The following LPP variants were observed in gnomAD, a reference collection of about 807,000 sequenced individuals.
The protein encoded by LPP is lipoma-preferred partner.
In LPP, 38 loss-of-function variants were observed where a neutral mutation model predicts 60.4. The observed-to-expected ratio is 0.63, with a 90% CI of 0.49 to 0.83. The LOEUF (loss-of-function observed/expected upper bound fraction) is 0.83. Among genes scored for constraint, LPP ranks in the 40% least tolerant of loss-of-function variants. LPP has a pLI of 0.00. For synonymous variants in LPP, 328 were observed against 290.8 expected, an observed-to-expected ratio of 1.13 and a Z score of -1.30; for missense variants, 902 against 783.6, an observed-to-expected ratio of 1.15 and a Z score of -1.80.
intron 7 of LPP, among the ~76,000 whole-genome samples, chr3:188,670,471 A>G (rs983272659): frequency 6.9e-6 from 1 of 145,358 alleles, no homozygotes; most frequent in Non-Finnish European, 1.5e-5. Context: ...TTGTTTTTTT[A>G]TCACTCAAGC....
chr3:188,740,403 C>A (rs978822330), intron 8 of LPP, among the ~76,000 whole-genome samples: 1 of 151,988 alleles, frequency 6.6e-6, no homozygotes, highest in African/African-American at 2.4e-5. Flanking sequence ...TATCCAAGCC[C>A]AATATCCTAC....
intron 5 of LPP, among the ~76,000 whole-genome samples, chr3:188,513,378 G>T (rs1271512233): frequency 6.6e-6 from 1 of 152,062 alleles, no homozygotes; most frequent in Non-Finnish European, 1.5e-5. Context: ...AGGAGATGGG[G>T]GATAAAGCAG....
At chr3:188,616,387 G>C (rs557863466) in intron 7 of LPP, among the ~76,000 whole-genome samples, 14 of 152,178 alleles carry the variant, frequency 9.2e-5, no homozygotes, top group Non-Finnish European at 1.8e-4. Flanking sequence ...TCGAAGATCA[G>C]ATGGTTGTAG....
intron 6 of LPP, among the ~76,000 whole-genome samples, chr3:188,531,957 G>A (rs1822292193): frequency 6.6e-6 from 1 of 152,082 alleles, no homozygotes; most frequent in Admixed American, 6.5e-5. Context: ...CATATGAAGT[G>A]GAAACAGTCT....
intron 2 of LPP, among the ~76,000 whole-genome samples, chr3:188,245,271 CCTGA>C (rs1000735950): frequency 5.3e-5 from 8 of 152,158 alleles, no homozygotes; most frequent in African/African-American, 1.9e-4. Context: ...CGCCACTACG[CCTGA>C]CTAATTTTTG....
At chr3:188,185,570 C>T (rs1406129342) in intron 1 of LPP, among the ~76,000 whole-genome samples, 2 of 151,762 alleles carry the variant, frequency 1.3e-5, no homozygotes, top group Non-Finnish European at 1.5e-5. Flanking sequence ...CAGTTTATTG[C>T]GTGGATAACT....
rs1577998577 is a variant in LPP at position 188,307,859 on chromosome 3, T to TC, written c.-66-33804_-66-33803insC. 3.9e-5 allele frequency among the ~76,000 whole-genome samples: 6 copies of TC among 152,364 alleles called. No homozygotes were observed. The East Asian group carries it at 1.2e-3, about 29-fold the overall frequency. On this transcript the variant is annotated intron_variant, in intron 2 of 11. Transcript: ENST00000617246. The stretch of plus-strand genomic sequence containing the variant: ...AGACATTGTTAGGATAAATTGTTTC[T>TC]ATACGTATTGAATGGACTGTGGGGC...
intron 7 of LPP, among the ~76,000 whole-genome samples, chr3:188,654,532 TTGTGTG>T (rs147173152): frequency 6.6e-6 from 1 of 150,508 alleles, no homozygotes; most frequent in Admixed American, 6.6e-5. Flanking sequence ...TTTCTCTGTG[TTGTGTG>T]TGTGTGTGTG....
intron 5 of LPP, among the ~76,000 whole-genome samples, chr3:188,495,064 T>TATATATATATATATATA (rs1809541137): frequency 3.7e-5 from 2 of 53,878 alleles, no homozygotes; most frequent in Non-Finnish European, 6.5e-5. Context: ...GTTCAGGATT[T>TATATATATATATATATA]TATATATATA....
At chr3:188,265,802 CT>C (rs930548237) in intron 2 of LPP, among the ~76,000 whole-genome samples, 52 of 140,936 alleles carry the variant, frequency 3.7e-4, no homozygotes, top group African/African-American at 3.7e-4. Context: ...TTGGAGGCTT[CT>C]TTTTTTTTTG....
At chr3:188,251,602 C>G (rs1378185807) in intron 2 of LPP, among the ~76,000 whole-genome samples, 1 of 152,038 alleles carries the variant, frequency 6.6e-6, no homozygotes, top group Non-Finnish European at 1.5e-5. Flanking sequence ...AATACTACTA[C>G]TATTAATTTG....
At chr3:188,239,161 G>A (rs1577465767) in intron 2 of LPP, among the ~76,000 whole-genome samples, 1 of 152,310 alleles carries the variant, frequency 6.6e-6, no homozygotes, top group Non-Finnish European at 1.5e-5. Context: ...CATGGCAGAG[G>A]GCTCTCCACT....
At chr3:188,225,187 G>T (rs1169532514) in intron 1 of LPP, among the ~76,000 whole-genome samples, 1 of 152,108 alleles carries the variant, frequency 6.6e-6, no homozygotes, top group African/African-American at 2.4e-5. Context: ...TTTCCCAGGA[G>T]AACTAGGAGA....
intron 6 of LPP, among the ~76,000 whole-genome samples, chr3:188,576,713 A>G (rs1385655180): frequency 1.3e-5 from 2 of 152,158 alleles, no homozygotes; most frequent in African/African-American, 2.4e-5. Flanking sequence ...TCGTAGGCAT[A>G]TTTTGTCCAA....
intron 9 of LPP, among the ~76,000 whole-genome samples, chr3:188,802,893 A>C (rs11919370): frequency 6.6e-6 from 1 of 152,090 alleles, no homozygotes; most frequent in Non-Finnish European, 1.5e-5. Context: ...TATAATCCCC[A>C]CCCTAAAAAA....
At chr3:188,685,255 G>A (rs1860448242) in intron 7 of LPP, among the ~76,000 whole-genome samples, 1 of 152,148 alleles carries the variant, frequency 6.6e-6, no homozygotes, top group Admixed American at 6.5e-5. Flanking sequence ...TAATGAACAA[G>A]ATATCTGACT....
chr3:188,389,245 G>A (rs1275814358), intron 3 of LPP, among the ~76,000 whole-genome samples: 1 of 152,078 alleles, frequency 6.6e-6, no homozygotes, highest in Non-Finnish European at 1.5e-5. Context: ...GTCACCTGAT[G>A]TCCCAATACC....
chr3:188,527,983 G>A (rs1248960587), intron 6 of LPP, among the ~76,000 whole-genome samples: 1 of 152,082 alleles, frequency 6.6e-6, no homozygotes, highest in African/African-American at 2.4e-5. Context: ...ATGGATTTAT[G>A]CAATTGAACT....
At chr3:188,351,776 A>G (rs1014487309) in intron 3 of LPP, among the ~76,000 whole-genome samples, 20 of 152,146 alleles carry the variant, frequency 1.3e-4, no homozygotes, top group Non-Finnish European at 2.9e-4. Flanking sequence ...AGTAGCATGC[A>G]TGGCTCTTCT....
Sources: allele counts gnomAD v4.1 joint callset (sites outside exome capture counted in the v4.1 genomes callset), GRCh38; gene constraint gnomAD v4.1.1; transcripts MANE v1.5; gene names NCBI Gene and HGNC (gene_info 2026-07-23, HGNC 2026-07-21).